Variants in RUNX1 observed in about 807,000 individuals in gnomAD.
RUNX1 encodes runt-related transcription factor 1.
In RUNX1, 19 loss-of-function variants were observed where a neutral mutation model predicts 42.8. That is an observed-to-expected ratio of 0.44 (90% confidence interval 0.31 to 0.65). The LOEUF (loss-of-function observed/expected upper bound fraction) is 0.65. Among genes scored for constraint, RUNX1 ranks in the 30% least tolerant of loss-of-function variants. The pLI, the probability that RUNX1 is intolerant of heterozygous loss-of-function variation, is 0.07. For missense variants in RUNX1, 528 were observed against 672.0 expected (o/e 0.79, Z 2.37); for synonymous variants, 271 against 289.4 (o/e 0.94, Z 0.64).
chr21:34,903,237 TTTGA>T (rs2058191423), intron 2 of RUNX1, among the ~76,000 whole-genome samples: 3 of 152,188 alleles, frequency 2.0e-5, no homozygotes, highest in Admixed American at 2.0e-4. Flanking sequence ...AATTCAGCTC[TTTGA>T]TTAATTCTGT....
chr21:35,003,998 A>G (rs1425594276), intron 2 of RUNX1, among the ~76,000 whole-genome samples: 2 of 152,264 alleles, frequency 1.3e-5, no homozygotes, highest in Admixed American at 1.3e-4. Flanking sequence ...TATTTTCAAA[A>G]TAATCCACAC....
intron 2 of RUNX1, among the ~76,000 whole-genome samples, chr21:35,014,894 T>C (rs557552293): frequency 9.2e-5 from 14 of 152,370 alleles, no homozygotes; most frequent in African/African-American, 3.1e-4. Flanking sequence ...CACATGGTGA[T>C]GCTCTGATCA....
At chr21:34,892,890 CTTTA>C (rs745523834) in intron 3 of RUNX1, 31 bp downstream of exon 3, 34 of 1,298,918 alleles carry the variant, frequency 2.6e-5, no homozygotes, top group Non-Finnish European at 3.5e-5. Flanking sequence ...AAGGTGTGTA[CTTTA>C]TTTAAAAATA....
chr21:34,839,971 C>T (rs1212125045), intron 6 of RUNX1, among the ~76,000 whole-genome samples: 1 of 152,162 alleles, frequency 6.6e-6, no homozygotes, highest in East Asian at 1.9e-4. Context: ...ATTTGGCCGT[C>T]TTTTCATTTT....
rs192996492 is a variant in RUNX1 at position 34,794,738 on chromosome 21, G to A, written c.968-2128C>T. ...GGGTTCCCTATATCTGTAGATCAGA[G>A]TTTCTCAACTGTTGACACTGTTGAC... is the stretch of plus-strand genomic sequence containing the variant. On this transcript the variant is annotated intron_variant, in intron 8 of 8. Transcript: ENST00000675419. 5.4e-4 allele frequency among the ~76,000 whole-genome samples: 83 copies of A among 152,298 alleles called. 1 individual carries two copies. The highest frequency in any genetic ancestry group is 3.4e-3 in the Middle Eastern group (1 of 294).
intron 2 of RUNX1, among the ~76,000 whole-genome samples, chr21:34,922,568 A>G (rs1355109015): frequency 6.6e-6 from 1 of 152,162 alleles, no homozygotes; most frequent in Non-Finnish European, 1.5e-5. Context: ...AGTCTTCCAG[A>G]AAGAGAGAAA....
At chr21:34,937,191 T>C (rs966984822) in intron 2 of RUNX1, among the ~76,000 whole-genome samples, 1 of 152,146 alleles carries the variant, frequency 6.6e-6, no homozygotes, top group African/African-American at 2.4e-5. Context: ...GACTGACTTA[T>C]GCAACATTCT....
chr21:34,910,960 A>G (rs1038984101), intron 2 of RUNX1, among the ~76,000 whole-genome samples: 1 of 152,064 alleles, frequency 6.6e-6, no homozygotes, highest in Non-Finnish European at 1.5e-5. Flanking sequence ...TTTAGACATG[A>G]GGTCTCCTTA....
At chr21:34,868,413 G>C (rs2146288264) in intron 5 of RUNX1, among the ~76,000 whole-genome samples, 1 of 152,202 alleles carries the variant, frequency 6.6e-6, no homozygotes, top group South Asian at 2.1e-4. Context: ...ATTAGGATCA[G>C]ACCAAATTCC....
At chr21:34,962,036 G>A (rs1393355544) in intron 2 of RUNX1, among the ~76,000 whole-genome samples, 1 of 152,006 alleles carries the variant, frequency 6.6e-6, no homozygotes, top group East Asian at 1.9e-4. Flanking sequence ...GGGACTACAG[G>A]TGCATGCCAC....
chr21:34,950,656 G>C (rs2058600347), intron 2 of RUNX1, among the ~76,000 whole-genome samples: 1 of 152,220 alleles, frequency 6.6e-6, no homozygotes, highest in African/African-American at 2.4e-5. Context: ...AGAATCACTT[G>C]AAACCAGAGG....
chr21:35,041,904 G>A (rs1348669961), intron 2 of RUNX1, among the ~76,000 whole-genome samples: 2 of 151,682 alleles, frequency 1.3e-5, no homozygotes, highest in Non-Finnish European at 1.5e-5. Context: ...TTGAAAGAAG[G>A]TTTCCCTCTT....
At chr21:34,834,861 T>C (rs2057121542) in intron 6 of RUNX1, among the ~76,000 whole-genome samples, 1 of 152,060 alleles carries the variant, frequency 6.6e-6, no homozygotes, top group African/African-American at 2.4e-5. Flanking sequence ...CCCAACCCTC[T>C]ACACCCACTT....
chr21:34,989,426 A>G (rs2058919238), intron 2 of RUNX1, among the ~76,000 whole-genome samples: 1 of 151,958 alleles, frequency 6.6e-6, no homozygotes, highest in Admixed American at 6.5e-5. Context: ...GACTTCTCAG[A>G]GGTTACCTAA....
chr21:34,967,077 C>T (rs544689625), intron 2 of RUNX1, among the ~76,000 whole-genome samples: 4 of 151,840 alleles, frequency 2.6e-5, no homozygotes, highest in African/African-American at 7.2e-5. Context: ...CCAGGCCGGG[C>T]GCGGCGGCCA....
In RUNX1 at chr21:34,833,849, A is replaced by G. The variant is rs531102930; in HGVS notation, c.805+561T>C. ...GCTTTAGTAATTGCCAGCTAGCCCC[A>G]TGGGCTGGGGGGACCTGCATTCTCT... On this transcript the variant is annotated intron_variant, in intron 7 of 8. Coordinates refer to ENST00000675419, the MANE Select transcript of RUNX1 (RefSeq NM_001754.5). The G allele has an allele frequency of 1.3e-5, 3 of 226,982 alleles. No homozygotes were observed. The South Asian group carries it at 1.9e-4, about 14-fold the overall frequency. 14.1% of individuals were successfully genotyped at this position (226,982 alleles called of 1,614,324 possible).
At chr21:34,887,137 C>A (rs369215457) in intron 3 of RUNX1, 41 bp from the exon 4 acceptor site, 2 of 1,597,812 alleles carry the variant, frequency 1.3e-6, no homozygotes, top group Non-Finnish European at 8.5e-7. Flanking sequence ...TGAGTTAGGA[C>A]CCTGCAAACA....
intron 2 of RUNX1, among the ~76,000 whole-genome samples, chr21:35,047,231 T>C (rs1000841171): frequency 6.6e-6 from 1 of 152,124 alleles, no homozygotes; most frequent in African/African-American, 2.4e-5. Flanking sequence ...ATCTTTTTTT[T>C]CTGTTATTCT....
intron 2 of RUNX1, among the ~76,000 whole-genome samples, chr21:34,899,953 T>C (rs1277240888): frequency 2.6e-5 from 4 of 152,172 alleles, no homozygotes; most frequent in Non-Finnish European, 4.4e-5. Context: ...GAGACCAGCC[T>C]GGGCAACATA....
Sources: allele counts gnomAD v4.1 joint callset (sites outside exome capture counted in the v4.1 genomes callset), GRCh38; gene constraint gnomAD v4.1.1; transcripts MANE v1.5; gene names NCBI Gene and HGNC (gene_info 2026-07-23, HGNC 2026-07-21).